Variants in E2F2 observed in about 807,000 individuals in gnomAD.
E2F2 encodes the protein transcription factor E2F2.
E2F2 carries 22 observed loss-of-function variants against 42.2 expected under a neutral mutation model. That is an observed-to-expected ratio of 0.52 (90% CI 0.37 to 0.74). The LOEUF is 0.74. E2F2 is among the 30% of genes least tolerant of loss of function. The pLI is 0.00. For synonymous variants in E2F2, 248 were observed against 251.6 expected, an observed-to-expected ratio of 0.99 and a Z score of 0.13; for missense variants, 481 against 557.8, an observed-to-expected ratio of 0.86 and a Z score of 1.39.
At chr1:23,517,517 G>C (rs902586511) in intron 5 of E2F2, among the ~76,000 whole-genome samples, 1 of 152,184 alleles carries the variant, frequency 6.6e-6, no homozygotes, top group Non-Finnish European at 1.5e-5. Context: ...CTCCAAGGGT[G>C]GGGGCAGGAC....
intron 4 of E2F2, 80 bp from the exon 5 acceptor site, chr1:23,519,210 C>A: frequency 1.1e-6 from 1 of 918,272 alleles, no homozygotes; most frequent in Non-Finnish European, 1.8e-6. Context: ...CTTCACCCAC[C>A]TCTCCTAAGC....
Position 23,530,968 on chromosome 1 carries a change from A to G in E2F2, c.-175T>C. 1.4e-6 allele frequency: 1 copy of G among 731,126 alleles called. No individual in the cohort carries two copies. Among genetic ancestry groups the G allele is most frequent in the Non-Finnish European group, 2.0e-6 (1 of 500,598 alleles). 45.3% of individuals were successfully genotyped at this position (731,126 alleles called of 1,614,324 possible). On this transcript the variant is annotated 5_prime_UTR_variant, in exon 1 of 7. Transcript: ENST00000361729. This position sits in a 1 kb window ranked among gnomAD's most constrained non-coding sequence, Gnocchi z 4.4. Reference sequence around the variant, plus strand: ...CCCCTCCTGGCCCGCGGCCGAGCAGAGAGCAGCGCTTAGAGATCGCCGCTT... The same window carrying G: ...CCCCTCCTGGCCCGCGGCCGAGCAGGGAGCAGCGCTTAGAGATCGCCGCTT...
rs1051486057 is a variant in E2F2 at position 23,522,139 on chromosome 1, G to A, written c.359-83C>T. Reference sequence around the variant, plus strand: ...TCGTCCATTGACCTAGGCTCATTAAGTACCACCTTTCACCACCCACTTTCC... The same window carrying A: ...TCGTCCATTGACCTAGGCTCATTAAATACCACCTTTCACCACCCACTTTCC... On this transcript the variant is annotated intron_variant, in intron 2 of 6. Coordinates refer to ENST00000361729, the MANE Select transcript of E2F2 (RefSeq NM_004091.4). 9.3e-5 allele frequency: 120 copies of A among 1,290,034 alleles called. 1 individual carries two copies. The Admixed American group carries it at 2.5e-3, about 27-fold the overall frequency. The allele number at this position is 1,290,034 out of a possible 1,614,324, so 79.9% of individuals were successfully genotyped here.
At chr1:23,514,305 G>A (rs1642972403) in intron 6 of E2F2, among the ~76,000 whole-genome samples, 1 of 152,132 alleles carries the variant, frequency 6.6e-6, no homozygotes, top group South Asian at 2.1e-4. Flanking sequence ...CAGAGGTCTG[G>A]GATGGGAGAT....
At chr1:23,514,444 C>T (rs1570457233) in intron 6 of E2F2, among the ~76,000 whole-genome samples, 1 of 152,150 alleles carries the variant, frequency 6.6e-6, no homozygotes, top group Admixed American at 6.5e-5. Context: ...GGTCCCAGCT[C>T]TGCCATCAAC....
intron 1 of E2F2, among the ~76,000 whole-genome samples, chr1:23,525,454 T>C (rs1448198725): frequency 6.6e-6 from 1 of 152,180 alleles, no homozygotes. Flanking sequence ...AGGCTCACGG[T>C]ACAAGTTGGG....
At chr1:23,511,209 C>T (rs1642901814) in intron 6 of E2F2, among the ~76,000 whole-genome samples, 1 of 152,132 alleles carries the variant, frequency 6.6e-6, no homozygotes, top group South Asian at 2.1e-4. Flanking sequence ...CATTCTCCAG[C>T]ACTCTATGCT....
intron 1 of E2F2, among the ~76,000 whole-genome samples, chr1:23,526,596 A>G (rs920805630): frequency 2.6e-5 from 4 of 152,204 alleles, no homozygotes; most frequent in Non-Finnish European, 5.9e-5. Context: ...TGAGCCTGTT[A>G]CATGCTCGTA....
chr1:23,530,807 C>T lies in E2F2; in HGVS notation c.-14G>A, dbSNP rs974128330. The T allele has an allele frequency of 4.0e-6, 6 of 1,491,544 alleles. No individual in the cohort carries two copies. Among genetic ancestry groups the T allele is most frequent in the Non-Finnish European group, 5.4e-6 (6 of 1,117,236 alleles). 92.4% of individuals were successfully genotyped at this position (1,491,544 alleles called of 1,614,324 possible). A position where few individuals can be genotyped will look rare whatever the true frequency, so the allele number is the denominator to read the frequency against. ...CCCTTGCAGCATAGCGAGTAAGGCGCCCCCTACCCAAAAGGGCTTGGCGCG... is the reference window on the plus strand; with the variant it reads ...CCCTTGCAGCATAGCGAGTAAGGCGTCCCCTACCCAAAAGGGCTTGGCGCG... On this transcript the variant is annotated 5_prime_UTR_variant, in exon 1 of 7. Coordinates refer to ENST00000361729, the MANE Select transcript of E2F2 (RefSeq NM_004091.4). The surrounding 1 kb of genome is among the most constrained non-coding windows in gnomAD (Gnocchi z 4.4).
chr1:23,505,398 A>T (rs1160740744), downstream of E2F2, among the ~76,000 whole-genome samples: 1 of 152,256 alleles, frequency 6.6e-6, no homozygotes, highest in African/African-American at 2.4e-5. Context: ...TCTCTGGGGC[A>T]GCAGAAGGCA....
chr1:23,505,441 C>T (rs547876257), downstream of E2F2, among the ~76,000 whole-genome samples: 8 of 152,306 alleles, frequency 5.3e-5, no homozygotes, highest in Middle Eastern at 3.4e-3. Flanking sequence ...ATTAGACTCA[C>T]CTGGGAGGTT....
intron 1 of E2F2, among the ~76,000 whole-genome samples, chr1:23,525,654 T>C (rs1171999246): frequency 6.6e-6 from 1 of 152,182 alleles, no homozygotes; most frequent in Non-Finnish European, 1.5e-5. Flanking sequence ...TAGCTCCCTG[T>C]CTGCATGTGG....
rs1279940802 is a variant in E2F2, at chr1:23,520,990, C to G, written c.660G>C (p.Thr220=). 6.2e-7 allele frequency: 1 copy of G among 1,613,776 alleles called. No homozygotes were observed. The highest frequency in any genetic ancestry group is 8.5e-7 in the Non-Finnish European group (1 of 1,179,824). The change falls in exon 4 of 7, where the codon ACG becomes ACC. Residue 220 remains threonine, a synonymous_variant. Coordinates refer to ENST00000361729, the MANE Select transcript of E2F2 (RefSeq NM_004091.4). ...LGQELKELMN[T]EQALDQLIQS... is the part of the protein sequence containing the mutation. ...GGATGAGCTGGTCCAAGGCCTGCTC[C>G]GTGTTCATCAGCTCCTTCAGCTCCT...
chr1:23,509,844 A>T lies in E2F2; in HGVS notation c.*36T>A, dbSNP rs776609621. ...TGTCAGCCTGTCTGTGAGGAGGTAG[A>T]GTCGGGGGCAGGCTGCTGGGGGCAG... is the stretch of plus-strand genomic sequence containing the variant. On this transcript the variant is annotated 3_prime_UTR_variant, in exon 7 of 7. Coordinates refer to ENST00000361729, the MANE Select transcript of E2F2 (RefSeq NM_004091.4). 6 of 1,513,744 alleles carry T rather than the reference A, an allele frequency of 4.0e-6. No individual in the cohort carries two copies. The Admixed American group carries it at 1.3e-4, about 32-fold the overall frequency. The allele number at this position is 1,513,744 out of a possible 1,614,324, so 93.8% of individuals were successfully genotyped here.
intron 1 of E2F2, among the ~76,000 whole-genome samples, chr1:23,526,104 A>T (rs1464256860): frequency 1.3e-5 from 2 of 151,808 alleles, no homozygotes; most frequent in African/African-American, 4.8e-5. Flanking sequence ...CTTGCTTTCC[A>T]CCACTACCGA....
intron 3 of E2F2, 182 bp downstream of exon 3, chr1:23,521,655 A>C: frequency 6.1e-6 from 6 of 985,300 alleles, no homozygotes; most frequent in Non-Finnish European, 6.0e-6. Context: ...CTCACCATAC[A>C]TTGGCTCTAC....
chr1:23,530,755 C>T lies in E2F2; in HGVS notation c.39G>A (p.Gly13=). Residue 13 remains glycine, a synonymous_variant, in exon 1 of 7, where the codon GGG becomes GGA. Coordinates refer to ENST00000361729, the MANE Select transcript of E2F2 (RefSeq NM_004091.4). The surrounding 1 kb of genome is among the most constrained non-coding windows in gnomAD (Gnocchi z 4.4). ...QGPRALASAA[G]QTPKVVPAMS... ...TCGCGGGCACCACCTTCGGGGTCTG[C>T]CCAGCGGCCGAAGCCAAGGCCCGGG... The T allele has an allele frequency of 6.3e-7, 1 of 1,576,798 alleles. No homozygotes were observed.
intron 4 of E2F2, among the ~76,000 whole-genome samples, chr1:23,519,779 A>T (rs192472518): frequency 7.0e-4 from 106 of 152,084 alleles, no homozygotes; most frequent in African/African-American, 2.3e-3. Context: ...AAAATACAAA[A>T]ATCAGCTGGG....
chr1:23,506,140 G>A (rs1016216019), downstream of E2F2, among the ~76,000 whole-genome samples: 13 of 152,180 alleles, frequency 8.5e-5, no homozygotes, highest in Non-Finnish European at 5.9e-5. Context: ...ACCCACTGAT[G>A]TAGAGGGTGG....
Sources: gnomAD v4.1 joint callset for allele counts (sites outside exome capture counted in the v4.1 genomes callset) on GRCh38, gnomAD v4.1.1 for gene constraint, Gnocchi (gnomAD v3.1) non-coding constraint, MANE v1.5 for transcripts, NCBI Gene and HGNC (gene_info 2026-07-23, HGNC 2026-07-21) for gene names.